The following KIAA1217 variants were observed in gnomAD, a reference collection of about 807,000 sequenced individuals.
KIAA1217 encodes KIAA1217.
Under a neutral mutation model 163.9 loss-of-function variants are expected in KIAA1217, and 88 were observed. The observed-to-expected ratio is 0.54, with a 90% CI of 0.45 to 0.64. KIAA1217 has a LOEUF of 0.64. Among genes scored for constraint, KIAA1217 ranks in the 30% least tolerant of loss-of-function variants. The pLI is 0.00. For synonymous variants in KIAA1217, 903 were observed against 923.1 expected (o/e 0.98, Z 0.39); for missense variants, 2,372 against 2,475.0 (o/e 0.96, Z 0.88).
chr10:24,475,339 G>A (rs1176672761), intron 6 of KIAA1217, among the ~76,000 whole-genome samples: 1 of 152,116 alleles, frequency 6.6e-6, no homozygotes, highest in Non-Finnish European at 1.5e-5. Context: ...TAAAAAGAAG[G>A]CCAAAATTGT....
At position 24,108,814 on chromosome 10, in the gene KIAA1217, A is replaced by G. The variant is rs111635852; in HGVS notation, c.-171+101440A>G. ...GATTGGGGAGACAAGAGGAATCAACATGTTCTCAAAACTTTGTTTTGTTTT... is the reference window on the plus strand; with the variant it reads ...GATTGGGGAGACAAGAGGAATCAACGTGTTCTCAAAACTTTGTTTTGTTTT... On this transcript the variant is annotated intron_variant, in intron 2 of 18. Coordinates refer to the KIAA1217 transcript ENST00000376462. 6.4e-4 allele frequency among the ~76,000 whole-genome samples: 98 copies of G among 152,272 alleles called. 1 individual carries two copies. The highest frequency in any genetic ancestry group is 2.1e-3 in the African/African-American group (89 of 41,578).
At position 24,520,203 on chromosome 10, in the gene KIAA1217, A is replaced by G; in HGVS notation, c.2258A>G (p.Asp753Gly). The G allele has an allele frequency of 1.2e-6, 2 of 1,614,126 alleles. No homozygotes were observed. The highest frequency in any genetic ancestry group is 1.7e-6 in the Non-Finnish European group (2 of 1,180,012). Residue 753 changes from aspartate (D) to glycine (G), a missense_variant, in exon 11 of 21, where the codon GAC (aspartate) becomes GGC (glycine). This residue lies in a region of KIAA1217 where 1,431 missense variants were observed against 1,470.3 expected (regional missense o/e 0.97). Transcript: ENST00000376454. ...SRLVTLKDVE[D>G]GAFLLRQVGE... ...TTGGTTACTCTGAAAGACGTGGAAG[A>G]CGGGGCTTTCCTCCTGCGTCAAGTG...
intron 1 of KIAA1217, 111 bp from the exon 2 acceptor site, chr10:24,219,515 G>C (rs888969559): frequency 1.3e-6 from 1 of 777,352 alleles, no homozygotes. Context: ...AAAAAGATTT[G>C]CGAAGTTAAC....
chr10:24,179,208 G>T (rs1304492573), intron 2 of KIAA1217, among the ~76,000 whole-genome samples: 1 of 152,084 alleles, frequency 6.6e-6, no homozygotes, highest in African/African-American at 2.4e-5. Flanking sequence ...AAAGTAAAAG[G>T]CTTTTGGGCT....
chr10:24,184,270 G>A (rs1161154954), intron 2 of KIAA1217, among the ~76,000 whole-genome samples: 1 of 152,106 alleles, frequency 6.6e-6, no homozygotes, highest in Non-Finnish European at 1.5e-5. Flanking sequence ...TGGAATCACT[G>A]GATAATAAAT....
chr10:24,204,143 G>A (rs1479661584), upstream of KIAA1217, among the ~76,000 whole-genome samples: 1 of 152,190 alleles, frequency 6.6e-6, no homozygotes, highest in Non-Finnish European at 1.5e-5. Context: ...TGGAGTAGCA[G>A]GAGAGTTCCA....
At chr10:23,949,839 G>A (rs1034974223) in intron 1 of KIAA1217, among the ~76,000 whole-genome samples, 132 of 152,180 alleles carry the variant, frequency 8.7e-4, no homozygotes, top group Non-Finnish European at 3.1e-4. Flanking sequence ...ATCGTCAGAT[G>A]TATTATGAAG....
chr10:24,176,944 C>T (rs2131935852), intron 2 of KIAA1217, among the ~76,000 whole-genome samples: 1 of 152,266 alleles, frequency 6.6e-6, no homozygotes, highest in Non-Finnish European at 1.5e-5. Context: ...TGACCCAGCA[C>T]ACCCTCTGCA....
intron 2 of KIAA1217, among the ~76,000 whole-genome samples, chr10:24,251,695 A>C (rs2074562201): frequency 6.6e-6 from 1 of 152,020 alleles, no homozygotes; most frequent in African/African-American, 2.4e-5. Context: ...AGGGACCCTA[A>C]TCTGATGTTT....
chr10:24,063,101 C>A (rs1264418125), intron 2 of KIAA1217, among the ~76,000 whole-genome samples: 1 of 151,974 alleles, frequency 6.6e-6, no homozygotes, highest in Non-Finnish European at 1.5e-5. Flanking sequence ...CCTGTTCACT[C>A]TGATGGTGGT....
intron 2 of KIAA1217, among the ~76,000 whole-genome samples, chr10:24,341,476 A>T (rs1201334488): frequency 6.6e-6 from 1 of 151,788 alleles, no homozygotes; most frequent in African/African-American, 2.4e-5. Context: ...CTTTCTTTTC[A>T]TTGGAGACTT....
At chr10:24,283,587 A>T (rs893275581) in intron 2 of KIAA1217, among the ~76,000 whole-genome samples, 1 of 152,274 alleles carries the variant, frequency 6.6e-6, no homozygotes, top group Admixed American at 6.5e-5. Context: ...AATCACTTGA[A>T]CACAGGAGGT....
intron 1 of KIAA1217, among the ~76,000 whole-genome samples, chr10:24,006,442 C>A (rs1430695935): frequency 1.3e-5 from 2 of 152,124 alleles, no homozygotes; most frequent in African/African-American, 4.8e-5. Context: ...TAACCAGTTG[C>A]CTTATTCTGT....
At chr10:23,888,044 C>T (rs538295069) in intron 1 of KIAA1217, among the ~76,000 whole-genome samples, 1 of 151,870 alleles carries the variant, frequency 6.6e-6, no homozygotes, top group African/African-American at 2.4e-5. Context: ...AATGGACAAC[C>T]TCTGTAAAAT....
At chr10:24,530,254 G>C (rs1444691431) in intron 14 of KIAA1217, among the ~76,000 whole-genome samples, 1 of 152,090 alleles carries the variant, frequency 6.6e-6, no homozygotes, top group Admixed American at 6.5e-5. Flanking sequence ...TTTGGCTCTT[G>C]ATTCTATCTG....
chr10:24,243,692 T>C (rs2073400498), intron 2 of KIAA1217, among the ~76,000 whole-genome samples: 1 of 151,842 alleles, frequency 6.6e-6, no homozygotes, highest in Non-Finnish European at 1.5e-5. Context: ...TATTCATATG[T>C]ATGAATACAT....
At chr10:24,449,376 T>C in intron 5 of KIAA1217, 1 of 738,548 alleles carries the variant, frequency 1.4e-6, no homozygotes, top group Non-Finnish European at 1.7e-6. Context: ...TGAGCCATAT[T>C]GTATTTATAA....
chr10:24,248,500 G>A (rs992220718), intron 2 of KIAA1217, among the ~76,000 whole-genome samples: 1 of 151,572 alleles, frequency 6.6e-6, no homozygotes, highest in African/African-American at 2.4e-5. Flanking sequence ...GTGAAATCCC[G>A]TCTCTACTAA....
At chr10:24,367,050 A>C in intron 2 of KIAA1217, 7 of 472,670 alleles carry the variant, frequency 1.5e-5, no homozygotes, top group Non-Finnish European at 1.9e-5. Flanking sequence ...TGGTCAACCT[A>C]TTCTTTTTCT....
Sources: allele counts gnomAD v4.1 joint callset (sites outside exome capture counted in the v4.1 genomes callset), GRCh38; gene constraint gnomAD v4.1.1; regional missense constraint gnomAD v4.1.1; transcripts MANE v1.5; gene names NCBI Gene and HGNC (gene_info 2026-07-23, HGNC 2026-07-21).